RTN1: variants seen among roughly 807,000 people sequenced by gnomAD.
The protein encoded by RTN1 is reticulon 1, also known as reticulon-1.
A neutral mutation model predicts 65.5 loss-of-function variants in RTN1; 25 were observed. That is an observed-to-expected ratio of 0.38 (90% confidence interval 0.28 to 0.53). The LOEUF is 0.53. Among genes scored for constraint, RTN1 ranks in the 20% least tolerant of loss-of-function variants. The pLI is 0.79. For missense variants in RTN1, 983 were observed against 1,025.4 expected (o/e 0.96, Z 0.57); for synonymous variants, 471 against 447.6 (o/e 1.05, Z -0.66).
chr14:59,820,071 G>A (rs1886913154), intron 1 of RTN1, among the ~76,000 whole-genome samples: 1 of 152,252 alleles, frequency 6.6e-6, no homozygotes. Context: ...GAGAGCGAGT[G>A]AGGGGTGCTA....
chr14:59,743,948 C>T lies in RTN1; in HGVS notation c.1015+1760G>A, dbSNP rs140548544. Among the ~76,000 whole-genome samples, 340 of 152,148 alleles carry T rather than the reference C, an allele frequency of 2.2e-3. 1 individual carries two copies. Among genetic ancestry groups the T allele is most frequent in the African/African-American group, 7.5e-3 (312 of 41,488 alleles). On this transcript the variant is annotated intron_variant, in intron 2 of 8. Transcript: ENST00000267484. ...CCATCAGTCGTGCCTCATAGAGTAC[C>T]CAACCAAAAGAAAGTATGTAGAAAG...
chr14:59,826,307 G>C (rs923846419), intron 1 of RTN1, among the ~76,000 whole-genome samples: 5 of 152,228 alleles, frequency 3.3e-5, no homozygotes, highest in Admixed American at 6.5e-5. Context: ...AATGGGTTAA[G>C]TGATAGACTA....
chr14:59,667,939 C>T (rs1430087922), intron 3 of RTN1, among the ~76,000 whole-genome samples: 1 of 152,052 alleles, frequency 6.6e-6, no homozygotes, highest in Non-Finnish European at 1.5e-5. Flanking sequence ...AACCACTGCT[C>T]AACGAAATAA....
chr14:59,714,734 G>C (rs1884498252), intron 3 of RTN1, among the ~76,000 whole-genome samples: 1 of 152,196 alleles, frequency 6.6e-6, no homozygotes, highest in Non-Finnish European at 1.5e-5. Context: ...TTGATGGAAA[G>C]TTACCCACCT....
At chr14:59,652,965 TTC>T (rs992115508) in intron 3 of RTN1, among the ~76,000 whole-genome samples, 24 of 151,380 alleles carry the variant, frequency 1.6e-4, no homozygotes, top group African/African-American at 5.8e-4. Flanking sequence ...ATAATAGGAG[TTC>T]CAGAAAGAGA....
chr14:59,869,577 G>T (rs1887855591), intron 1 of RTN1, among the ~76,000 whole-genome samples: 1 of 92,078 alleles, frequency 1.1e-5, no homozygotes, highest in South Asian at 4.2e-4. Context: ...CAATTTCCGG[G>T]GTGGGGGGGG....
intron 3 of RTN1, among the ~76,000 whole-genome samples, chr14:59,659,836 T>G (rs898192495): frequency 9.2e-5 from 14 of 152,112 alleles, no homozygotes; most frequent in African/African-American, 3.4e-4. Context: ...CATCAACTAA[T>G]GGGCAAAATA....
At position 59,749,845 on chromosome 14, in the gene RTN1, A is replaced by T. The variant is rs1426205055; in HGVS notation, c.242-3364T>A. 1.0e-3 allele frequency among the ~76,000 whole-genome samples: 119 copies of T among 113,910 alleles called. 1 individual carries two copies. The Middle Eastern group carries it at 0.015, about 14-fold the overall frequency. 74.7% of individuals were successfully genotyped at this position (113,910 alleles called of 152,430 possible). ...TTTATATATATCTATATGTATATTTATATATATATCTATATGTATATTTAT... is the reference window on the plus strand; with the variant it reads ...TTTATATATATCTATATGTATATTTTTATATATATCTATATGTATATTTAT... On this transcript the variant is annotated intron_variant, in intron 1 of 8. Coordinates refer to ENST00000267484, the MANE Select transcript of RTN1 (RefSeq NM_021136.3).
chr14:59,750,148 AT>A (rs1885429148), intron 1 of RTN1, among the ~76,000 whole-genome samples: 3 of 66,568 alleles, frequency 4.5e-5, no homozygotes, highest in East Asian at 8.3e-4. Flanking sequence ...TAATATATAT[AT>A]TATAGATAAT....
chr14:59,812,823 C>T (rs1886753041), intron 1 of RTN1, among the ~76,000 whole-genome samples: 1 of 152,168 alleles, frequency 6.6e-6, no homozygotes, highest in Non-Finnish European at 1.5e-5. Flanking sequence ...ACAAAAACAA[C>T]ACACTGAAAT....
At chr14:59,782,676 A>T (rs1886178363) in intron 1 of RTN1, among the ~76,000 whole-genome samples, 1 of 152,174 alleles carries the variant, frequency 6.6e-6, no homozygotes, top group South Asian at 2.1e-4. Context: ...CTTGATAATG[A>T]TTTTCTAAGA....
At chr14:59,620,582 G>A (rs7154940) in intron 3 of RTN1, among the ~76,000 whole-genome samples, 116,590 of 152,112 alleles carry the variant, frequency 0.77, 46,890 homozygotes, top group East Asian at 0.99. Context: ...AATTTTACCT[G>A]TTTCTTCTTA....
chr14:59,743,502 T>C (rs1885154665), intron 2 of RTN1, among the ~76,000 whole-genome samples: 1 of 152,164 alleles, frequency 6.6e-6, no homozygotes, highest in African/African-American at 2.4e-5. Context: ...AGTTTTACTA[T>C]GCATTGCCAG....
intron 3 of RTN1, among the ~76,000 whole-genome samples, chr14:59,623,780 G>T (rs182082058): frequency 3.3e-5 from 5 of 152,082 alleles, no homozygotes; most frequent in African/African-American, 1.2e-4. Context: ...AAATGAATAC[G>T]TTTAAAATTT....
intron 1 of RTN1, among the ~76,000 whole-genome samples, chr14:59,792,251 G>A (rs1886362060): frequency 1.3e-5 from 2 of 152,016 alleles, no homozygotes; most frequent in East Asian, 3.9e-4. Context: ...CCTGGAAGTG[G>A]TTTTAAGGTA....
At chr14:59,867,676 G>T (rs36039136) in intron 1 of RTN1, among the ~76,000 whole-genome samples, 2 of 152,134 alleles carry the variant, frequency 1.3e-5, no homozygotes, top group Non-Finnish European at 2.9e-5. Flanking sequence ...TGTCCAGATG[G>T]CATGATTGGT....
At chr14:59,637,855 C>T (rs991084583) in intron 3 of RTN1, among the ~76,000 whole-genome samples, 2 of 151,470 alleles carry the variant, frequency 1.3e-5, no homozygotes, top group African/African-American at 2.4e-5. Flanking sequence ...TATAGACTTA[C>T]AATTTTTTTT....
intron 2 of RTN1, among the ~76,000 whole-genome samples, chr14:59,728,453 G>C (rs1884831240): frequency 6.6e-6 from 1 of 151,724 alleles, no homozygotes; most frequent in African/African-American, 2.4e-5. Context: ...AGTCACTCCT[G>C]GTCCCTGGAT....
intron 1 of RTN1, among the ~76,000 whole-genome samples, chr14:59,800,604 G>C (rs1018064452): frequency 6.6e-6 from 1 of 152,082 alleles, no homozygotes; most frequent in Non-Finnish European, 1.5e-5. Context: ...GTTTCACCGT[G>C]TTAGCCAGGA....
Sources: gnomAD v4.1 joint callset for allele counts (sites outside exome capture counted in the v4.1 genomes callset) on GRCh38, gnomAD v4.1.1 for gene constraint, MANE v1.5 for transcripts, NCBI Gene and HGNC (gene_info 2026-07-23, HGNC 2026-07-21) for gene names.